The following ORC4 variants were observed in gnomAD, a reference collection of about 807,000 sequenced individuals.
The protein encoded by ORC4 is origin recognition complex, subunit 4 homolog.
ORC4 carries 55 observed loss-of-function variants against 63.9 expected under a neutral mutation model. The ratio of observed to expected loss-of-function variants is 0.86; its 90% CI spans 0.69 to 1.08. ORC4 has a LOEUF of 1.08. ORC4 is among the 50% of genes least tolerant of loss of function. The pLI, the probability that ORC4 is intolerant of heterozygous loss-of-function variation, is 0.00. For missense variants in ORC4, 511 were observed against 504.4 expected, an observed-to-expected ratio of 1.01 and a Z score of -0.13; for synonymous variants, 150 against 168.5, an observed-to-expected ratio of 0.89 and a Z score of 0.85.
At chr2:148,002,458 T>C (rs776326450) in intron 1 of ORC4, among the ~76,000 whole-genome samples, 12 of 152,062 alleles carry the variant, frequency 7.9e-5, no homozygotes, top group Admixed American at 3.3e-4. Context: ...ATTAAGAAAC[T>C]CACTCAAAAC....
intron 1 of ORC4, among the ~76,000 whole-genome samples, chr2:147,990,773 G>C (rs780597309): frequency 6.6e-6 from 1 of 152,100 alleles, no homozygotes; most frequent in Non-Finnish European, 1.5e-5. Context: ...TGATTCCAAG[G>C]TTTGATAACC....
chr2:147,981,849 A>C (rs934703260), intron 1 of ORC4: 7 of 152,258 alleles, frequency 4.6e-5, no homozygotes, highest in Non-Finnish European at 1.5e-5. Flanking sequence ...AACACATTTC[A>C]ATAACCTGAA....
intron 4 of ORC4, among the ~76,000 whole-genome samples, chr2:147,960,719 G>T (rs1035097140): frequency 6.6e-6 from 1 of 152,114 alleles, no homozygotes; most frequent in African/African-American, 2.4e-5. Flanking sequence ...ACAGTAAATT[G>T]CATGTGTAAG....
intron 1 of ORC4, among the ~76,000 whole-genome samples, chr2:148,020,214 T>G (rs569894804): frequency 1.3e-5 from 2 of 152,352 alleles, no homozygotes; most frequent in African/African-American, 2.4e-5. Context: ...ATATCCAATA[T>G]GAGCAACGCG....
intron 1 of ORC4, 64 bp from the exon 2 acceptor site, chr2:147,976,039 C>G: frequency 1.2e-6 from 1 of 850,518 alleles, no homozygotes; most frequent in Non-Finnish European, 2.0e-6. Context: ...TAAGAATTTA[C>G]TGTTCTAGAA....
At chr2:147,998,426 G>C in intron 1 of ORC4, among the ~76,000 whole-genome samples, 1 of 152,216 alleles carries the variant, frequency 6.6e-6, no homozygotes. Context: ...TGGAGTTAGT[G>C]TGTTCTGGCT....
intron 4 of ORC4, among the ~76,000 whole-genome samples, chr2:147,964,115 A>G (rs1440342179): frequency 6.6e-6 from 1 of 152,256 alleles, no homozygotes; most frequent in Non-Finnish European, 1.5e-5. Flanking sequence ...AACAGACAAG[A>G]ATCATAAAGA....
intron 13 of ORC4, among the ~76,000 whole-genome samples, 174 bp from the exon 14 acceptor site, chr2:147,935,872 T>C (rs1268211609): frequency 6.6e-6 from 1 of 152,128 alleles, no homozygotes; most frequent in Non-Finnish European, 1.5e-5. Context: ...TGAAAACTCA[T>C]ATTATCAGGT....
chr2:147,947,973 C>A, intron 9 of ORC4, 78 bp downstream of exon 9: 1 of 1,127,226 alleles, frequency 8.9e-7, no homozygotes, highest in Non-Finnish European at 1.3e-6. Flanking sequence ...TGTTAATTTA[C>A]TAATTTCTAA....
chr2:147,960,557 A>T (rs1163335984), intron 4 of ORC4, among the ~76,000 whole-genome samples: 1 of 152,232 alleles, frequency 6.6e-6, no homozygotes, highest in Non-Finnish European at 1.5e-5. Flanking sequence ...TTAATTTTAC[A>T]AACATACTAA....
intron 1 of ORC4, among the ~76,000 whole-genome samples, chr2:147,992,205 G>A (rs938810678): frequency 1.3e-5 from 2 of 152,176 alleles, no homozygotes; most frequent in African/African-American, 4.8e-5. Flanking sequence ...AAGCTAATGT[G>A]TTTAATTGGA....
At chr2:147,949,721 CT>C (rs1291017557) in intron 8 of ORC4, among the ~76,000 whole-genome samples, 83 of 151,984 alleles carry the variant, frequency 5.5e-4, no homozygotes, top group African/African-American at 1.9e-3. Flanking sequence ...GATATAATAC[CT>C]AGTTTTTGCC....
At chr2:148,007,901 G>A (rs1287884884) in intron 1 of ORC4, among the ~76,000 whole-genome samples, 1 of 152,194 alleles carries the variant, frequency 6.6e-6, no homozygotes, top group Non-Finnish European at 1.5e-5. Context: ...CTACAGGCCA[G>A]AAGAGAGTAG....
rs761929082 is a variant in ORC4, at chr2:147,948,179, G to A, written c.634C>T (p.His212Tyr). Residue 212 changes from histidine (H) to tyrosine (Y), a missense_variant, in exon 9 of 14, where the codon CAC becomes TAC. Physicochemically the swap from His to Tyr is moderately conservative, Grantham distance 83. Transcript: ENST00000392857. ...LEKRVKSRFS[H>Y]RQIHLMNSFG... ...GAATTCATTAAGTGTATCTGCCGGTGAGAAAATCTTGACTTCACTCTTTTT... is the reference window on the plus strand; with the variant it reads ...GAATTCATTAAGTGTATCTGCCGGTAAGAAAATCTTGACTTCACTCTTTTT... The A allele has an allele frequency of 3.1e-6, 5 of 1,610,014 alleles. No homozygotes were observed. Among genetic ancestry groups the A allele is most frequent in the Non-Finnish European group, 4.2e-6 (5 of 1,177,308 alleles).
At chr2:147,999,477 C>T (rs898865496) in intron 1 of ORC4, among the ~76,000 whole-genome samples, 1 of 152,108 alleles carries the variant, frequency 6.6e-6, no homozygotes, top group African/African-American at 2.4e-5. Context: ...TTGGAGCTGT[C>T]CTATGCACTG....
chr2:148,003,012 A>G (rs1416949172), intron 1 of ORC4, among the ~76,000 whole-genome samples: 1 of 152,252 alleles, frequency 6.6e-6, no homozygotes, highest in Non-Finnish European at 1.5e-5. Flanking sequence ...AAAATCTAGA[A>G]GAAATGGATG....
chr2:147,944,061 A>C (rs893715034), intron 9 of ORC4, among the ~76,000 whole-genome samples: 1 of 152,130 alleles, frequency 6.6e-6, no homozygotes, highest in African/African-American at 2.4e-5. Context: ...AAAGGCAGAA[A>C]AACCTAACTG....
intron 1 of ORC4, among the ~76,000 whole-genome samples, chr2:147,999,506 C>T (rs1345343623): frequency 1.3e-5 from 2 of 152,052 alleles, no homozygotes; most frequent in Non-Finnish European, 2.9e-5. Context: ...AACAAGACCC[C>T]CAGATTCTAT....
chr2:147,931,518 G>GTTGT lies in ORC4; in HGVS notation c.*3988_*3991dup, dbSNP rs1687734463. ...TTTCTCCACATCCTCTCCAGCACCTGTTGTTTCCTGACTTTTTAATGATTG... is the reference window on the plus strand; with the variant it reads ...TTTCTCCACATCCTCTCCAGCACCTGTTGTTTGTTTCCTGACTTTTTAATGATTG... On this transcript the variant is annotated 3_prime_UTR_variant, in exon 14 of 14. Coordinates refer to ENST00000392857, the MANE Select transcript of ORC4 (RefSeq NM_181741.4). The GTTGT allele has an allele frequency of 6.6e-6, 1 of 151,994 alleles. No individual in the cohort carries two copies. The highest frequency in any genetic ancestry group is 2.4e-5 in the African/African-American group (1 of 41,386). 9.4% of individuals were successfully genotyped at this position (151,994 alleles called of 1,614,324 possible). A position where few individuals can be genotyped will look rare whatever the true frequency, so the allele number is the denominator to read the frequency against.
Sources: gnomAD v4.1 joint callset for allele counts (sites outside exome capture counted in the v4.1 genomes callset) on GRCh38, gnomAD v4.1.1 for gene constraint, MANE v1.5 for transcripts, NCBI Gene and HGNC (gene_info 2026-07-23, HGNC 2026-07-21) for gene names.